AGTPBP1: variants seen among roughly 807,000 people sequenced by gnomAD.
The protein encoded by AGTPBP1 is ATP/GTP binding carboxypeptidase 1.
AGTPBP1 carries 70 observed loss-of-function variants against 143.9 expected under a neutral mutation model. The ratio of observed to expected loss-of-function variants is 0.49; its 90% CI spans 0.40 to 0.59. AGTPBP1 has a LOEUF of 0.59. AGTPBP1 is among the 20% of genes least tolerant of loss of function. The probability of loss-of-function intolerance (pLI) is 0.00; values close to 1 mark genes in which losing one functional copy is unlikely to be tolerated. For synonymous variants in AGTPBP1, 463 were observed against 500.2 expected (o/e 0.93, Z 0.99); for missense variants, 1,229 against 1,464.5 (o/e 0.84, Z 2.62).
intron 13 of AGTPBP1, among the ~76,000 whole-genome samples, chr9:85,638,610 C>G (rs1587800663): frequency 6.6e-6 from 1 of 151,630 alleles, no homozygotes; most frequent in African/African-American, 2.4e-5. Context: ...AAATACACAT[C>G]GAAGGATACT....
intron 22 of AGTPBP1, 72 bp downstream of exon 22, chr9:85,586,759 A>G (rs1460789762): frequency 1.3e-6 from 2 of 1,523,862 alleles, no homozygotes; most frequent in Non-Finnish European, 9.0e-7. Context: ...TGATTATCAC[A>G]CAAGTGCTTG....
chr9:85,550,751 A>T (rs1030303), intron 25 of AGTPBP1, among the ~76,000 whole-genome samples: 99,631 of 151,934 alleles, frequency 0.66, 34,068 homozygotes, highest in African/African-American at 0.86. Flanking sequence ...ATGCTCGGTA[A>T]CATTCACTCC....
At chr9:85,648,380 C>T (rs138523134) in intron 11 of AGTPBP1, among the ~76,000 whole-genome samples, 2 of 152,164 alleles carry the variant, frequency 1.3e-5, no homozygotes, top group African/African-American at 4.8e-5. Flanking sequence ...TCTTAGATAG[C>T]AAAAAATAAA....
chr9:85,582,745 T>C (rs543637705), intron 23 of AGTPBP1, among the ~76,000 whole-genome samples: 1 of 152,172 alleles, frequency 6.6e-6, no homozygotes, highest in South Asian at 2.1e-4. Flanking sequence ...ACATAAACAC[T>C]TGCACTAAAA....
the AGTPBP1 span, among the ~76,000 whole-genome samples, chr9:85,796,138 C>T: frequency 6.6e-6 from 1 of 152,030 alleles, no homozygotes; most frequent in African/African-American, 2.4e-5. Flanking sequence ...TGAACATCCA[C>T]ATAGTTATAT....
At chr9:85,593,460 TAAATA>T in intron 18 of AGTPBP1, among the ~76,000 whole-genome samples, 1 of 152,310 alleles carries the variant, frequency 6.6e-6, no homozygotes, top group South Asian at 2.1e-4. Context: ...GGATTCTGAT[TAAATA>T]AAACTATAAA....
chr9:85,706,523 A>AAAAG (rs1837013337), intron 2 of AGTPBP1, among the ~76,000 whole-genome samples: 1 of 150,910 alleles, frequency 6.6e-6, no homozygotes, highest in African/African-American at 2.4e-5. Flanking sequence ...AAAAAAAAAA[A>AAAAG]AAAGAAAGAA....
At chr9:85,688,013 C>T (rs1372462811) in intron 3 of AGTPBP1, among the ~76,000 whole-genome samples, 3 of 147,332 alleles carry the variant, frequency 2.0e-5, no homozygotes, top group Non-Finnish European at 4.5e-5. Context: ...TCACTTGAAC[C>T]CAGGAGGCAG....
rs1171447918 is a variant in AGTPBP1 at position 85,633,004 on chromosome 9, C to T, written c.1673G>A (p.Cys558Tyr). 1 of 1,614,130 alleles carries T rather than the reference C, an allele frequency of 6.2e-7. No individual in the cohort carries two copies. The highest frequency in any genetic ancestry group is 8.5e-7 in the Non-Finnish European group (1 of 1,180,012). Residue 558 changes from cysteine to tyrosine, a missense_variant, in exon 14 of 26, where the codon TGC (cysteine) becomes TAC (tyrosine). Around this residue, in one of 2 missense-constraint regions of AGTPBP1, gnomAD observed 743 missense variants for 812.2 expected, o/e 0.91. Coordinates refer to ENST00000357081, the MANE Select transcript of AGTPBP1 (RefSeq NM_001330701.2). The stretch of plus-strand genomic sequence containing the variant: ...GGTAAGGACAGTAAGAGGAAGACTG[C>T]AGTCCTTCTTCATTTCTGCAGTAAA... The part of the protein sequence containing the change: ...PGFTAEMKKD[C>Y]SLPLTVLTCA...
chr9:85,647,821 T>C (rs969438926), intron 11 of AGTPBP1, among the ~76,000 whole-genome samples: 1 of 152,100 alleles, frequency 6.6e-6, no homozygotes, highest in African/African-American at 2.4e-5. Flanking sequence ...ACAAAAGGTA[T>C]GACTAGGATG....
In AGTPBP1 at chr9:85,618,850, T is replaced by C. The variant is rs951310911; in HGVS notation, c.2335+133A>G. The C allele has an allele frequency of 4.3e-5, 41 of 962,296 alleles. No individual in the cohort carries two copies. In the African/African-American group the frequency reaches 6.2e-4, roughly 14 times the overall value. The allele number at this position is 962,296 out of a possible 1,614,324, so 59.6% of individuals were successfully genotyped here. A position where few individuals can be genotyped will look rare whatever the true frequency, so the allele number is the denominator to read the frequency against. On this transcript the variant is annotated intron_variant, in intron 17 of 25. Transcript: ENST00000357081. ...GACCTATTTCAAATGTTGCATAATA[T>C]CTGAATTTTGAGAACTAGAGAAAAC...
At position 85,648,105 on chromosome 9, in the gene AGTPBP1, C is replaced by T. The variant is rs534067280; in HGVS notation, c.1088-1687G>A. Among the ~76,000 whole-genome samples, 2 of 152,288 alleles carry T rather than the reference C, an allele frequency of 1.3e-5. 1 individual carries two copies. Among genetic ancestry groups the T allele is most frequent in the African/African-American group, 4.8e-5 (2 of 41,570 alleles). ...ATACCTGAATTCAAATCCTAGCTCC[C>T]GAACTTACTAGCTATTTGACCTTGA... On this transcript the variant is annotated intron_variant, in intron 11 of 25. Transcript: ENST00000357081.
chr9:85,617,404 A>T (rs553069637), intron 17 of AGTPBP1, among the ~76,000 whole-genome samples: 1 of 152,300 alleles, frequency 6.6e-6, no homozygotes, highest in Admixed American at 6.5e-5. Flanking sequence ...TTTACACAAT[A>T]AGATTGCCAT....
In AGTPBP1 at chr9:85,632,938, A is replaced by C. The variant is rs747142693; in HGVS notation, c.1739T>G (p.Val580Gly). The C allele has an allele frequency of 4.3e-6, 7 of 1,614,112 alleles. No individual in the cohort carries two copies. Among genetic ancestry groups the C allele is most frequent in the Non-Finnish European group, 5.9e-6 (7 of 1,180,014 alleles). The change falls in exon 14 of 26, where the codon GTT becomes GGT. Residue 580 changes from valine (V) to glycine (G), a missense_variant. By Grantham distance (109) the Val-to-Gly change is moderately radical (BLOSUM62 -3). Around this residue, in one of 2 missense-constraint regions of AGTPBP1, gnomAD observed 743 missense variants for 812.2 expected, o/e 0.91. Coordinates refer to ENST00000357081, the MANE Select transcript of AGTPBP1 (RefSeq NM_001330701.2). ...CTGAACTGTTCTTCCCTCAAACAGA[A>C]CATTTCCACAAGTAGCCATGTGTGG... ...ACPHMATCGN[V>G]LFEGRTVQLG...
intron 17 of AGTPBP1, 82 bp downstream of exon 17, chr9:85,618,901 T>A: frequency 2.1e-6 from 3 of 1,425,756 alleles, no homozygotes; most frequent in Non-Finnish European, 2.8e-6. Flanking sequence ...TTTTTAAAAG[T>A]TGACAATTTT....
intron 10 of AGTPBP1, among the ~76,000 whole-genome samples, chr9:85,657,184 TA>T (rs374501838): frequency 1.9e-4 from 21 of 111,072 alleles, no homozygotes; most frequent in Admixed American, 9.8e-4. Flanking sequence ...AGTATAATAA[TA>T]AAAAAAAAAT....
chr9:85,605,478 T>A (rs551998003), intron 17 of AGTPBP1, among the ~76,000 whole-genome samples: 2 of 152,220 alleles, frequency 1.3e-5, no homozygotes, highest in South Asian at 2.1e-4. Flanking sequence ...CAAATACTTG[T>A]CCTACAAGAG....
intron 2 of AGTPBP1, among the ~76,000 whole-genome samples, chr9:85,707,919 G>T (rs924339892): frequency 3.3e-5 from 5 of 151,890 alleles, no homozygotes; most frequent in Non-Finnish European, 7.4e-5. Flanking sequence ...GTTCGGGGGT[G>T]GGGGGCTAGG....
At chr9:85,786,257 A>T in the AGTPBP1 span, 1 of 1,599,214 alleles carries the variant, frequency 6.3e-7, no homozygotes. Flanking sequence ...AATCCTCAAA[A>T]GCTCTGGGAA....
Sources: gnomAD v4.1 joint callset for allele counts (sites outside exome capture counted in the v4.1 genomes callset) on GRCh38, gnomAD v4.1.1 for gene constraint, gnomAD v4.1.1 regional missense constraint, MANE v1.5 for transcripts, NCBI Gene and HGNC (gene_info 2026-07-23, HGNC 2026-07-21) for gene names.